C7: variants seen among roughly 807,000 people sequenced by gnomAD.
C7 encodes complement component C7.
A neutral mutation model predicts 104.8 loss-of-function variants in C7; 83 were observed. The observed-to-expected ratio is 0.79, with a 90% CI of 0.66 to 0.95. The LOEUF is 0.95. C7 is among the 40% of genes least tolerant of loss of function. C7 has a pLI of 0.00. For missense variants in C7, 1,070 were observed against 1,011.2 expected, an observed-to-expected ratio of 1.06 and a Z score of -0.79; for synonymous variants, 415 against 360.6, an observed-to-expected ratio of 1.15 and a Z score of -1.71.
At chr5:40,939,361 G>A (rs556397739) in intron 6 of C7, among the ~76,000 whole-genome samples, 2 of 152,176 alleles carry the variant, frequency 1.3e-5, no homozygotes, top group South Asian at 2.1e-4. Flanking sequence ...TCTCACAGCA[G>A]CTTTGGAAAG....
At position 40,981,520 on chromosome 5, in the gene C7, G is replaced by T; in HGVS notation, c.2479G>T (p.Gly827Trp). 2 of 1,613,746 alleles carry T rather than the reference G, an allele frequency of 1.2e-6. No individual in the cohort carries two copies. The highest frequency in any genetic ancestry group is 1.3e-5 in the African/African-American group (1 of 75,060). Residue 827 changes from glycine to tryptophan, a missense_variant, in exon 18 of 18, where the codon GGG (glycine) becomes TGG (tryptophan). Transcript: ENST00000313164. ...ECEAGALRCR[G>W]QSISVTSIRP... ...TGAGGCGGGCGCTCTGAGATGCAGA[G>T]GGCAGAGCATCTCTGTCACCAGCAT...
intron 6 of C7, 77 bp downstream of exon 6, chr5:40,937,767 T>A (rs1739848261): frequency 1.6e-6 from 2 of 1,237,872 alleles, no homozygotes; most frequent in Non-Finnish European, 2.2e-6. Flanking sequence ...TTTACGTATT[T>A]GTTGAGAATT....
chr5:40,929,742 A>T (rs1482775342), intron 2 of C7, among the ~76,000 whole-genome samples: 1 of 151,990 alleles, frequency 6.6e-6, no homozygotes, highest in Non-Finnish European at 1.5e-5. Context: ...ATGAGAGTCA[A>T]CTCTCCATTT....
chr5:40,928,230 G>A (rs1739600882), intron 1 of C7, among the ~76,000 whole-genome samples: 1 of 151,302 alleles, frequency 6.6e-6, no homozygotes, highest in African/African-American at 2.4e-5. Context: ...AAAGTAGAAT[G>A]GTGGTTACAG....
rs58480949 is a variant in C7, at chr5:40,945,875, CATATATATATAT to C, written c.738+530_738+541del. 1.0e-3 allele frequency among the ~76,000 whole-genome samples: 130 copies of C among 127,332 alleles called. 1 individual carries two copies. Among genetic ancestry groups the C allele is most frequent in the African/African-American group, 3.0e-3 (110 of 36,490 alleles). 83.5% of individuals were successfully genotyped at this position (127,332 alleles called of 152,430 possible). A position where few individuals can be genotyped will look rare whatever the true frequency, so the allele number is the denominator to read the frequency against. ...TGAGACCCTGTCTCAAAAAAAAATA[CATATATATATAT>C]ATATATATATATATATATATATGTA... is the stretch of plus-strand genomic sequence containing the variant. On this transcript the variant is annotated intron_variant, in intron 7 of 17. Coordinates refer to ENST00000313164, the MANE Select transcript of C7 (RefSeq NM_000587.4).
chr5:40,936,799 A>G (rs1739826997), intron 5 of C7, among the ~76,000 whole-genome samples: 1 of 152,022 alleles, frequency 6.6e-6, no homozygotes, highest in Admixed American at 6.6e-5. Flanking sequence ...GAAGGGAGGG[A>G]GAGAGAGAGA....
At chr5:40,934,584 C>A in intron 4 of C7, 118 bp downstream of exon 4, 1 of 970,386 alleles carries the variant, frequency 1.0e-6, no homozygotes, top group Admixed American at 2.2e-5. Flanking sequence ...AAGTTAATTC[C>A]CCCAAATATC....
chr5:40,972,700 C>A lies in C7; in HGVS notation c.2074+106C>A. ...TCACCATAGCTGTGAGTCATTCCCT[C>A]CATTCTTGCTCCTTAAGATAGGGTC... On this transcript the variant is annotated intron_variant, in intron 15 of 17. Transcript: ENST00000313164. 4.7e-6 allele frequency: 4 copies of A among 851,158 alleles called. No homozygotes were observed. The South Asian group carries it at 9.0e-5, about 19-fold the overall frequency. The allele number at this position is 851,158 out of a possible 1,614,324, so 52.7% of individuals were successfully genotyped here.
In C7 at chr5:40,945,355, T is replaced by A. The variant is rs1391624784; in HGVS notation, c.725T>A (p.Ile242Asn). The change falls in exon 7 of 18, where the codon ATC becomes AAC. Residue 242 changes from isoleucine to asparagine, a missense_variant. Physicochemically the swap from Ile to Asn is moderately radical, Grantham distance 149. Transcript: ENST00000313164. ...SRSYTSHTNE[I>N]HKGKSYQLLV... Reference sequence around the variant, plus strand: ...AGTTATACTTCACATACCAATGAAATCCATAAAGGAAAGGTTAGTATAAAA... The same window carrying A: ...AGTTATACTTCACATACCAATGAAAACCATAAAGGAAAGGTTAGTATAAAA... 1 of 1,589,574 alleles carries A rather than the reference T, an allele frequency of 6.3e-7. No individual in the cohort carries two copies. Among genetic ancestry groups the A allele is most frequent in the East Asian group, 2.3e-5 (1 of 44,318 alleles).
chr5:40,959,611 A>G lies in C7; in HGVS notation c.1652A>G (p.Glu551Gly), dbSNP rs1374480706. The change falls in exon 12 of 18, where the codon GAG becomes GGG. Residue 551 changes from glutamate (E) to glycine (G), a missense_variant. Transcript: ENST00000313164. ...ACACAATGCGAAGATGAGGAGCTGG[A>G]GCACTTGAGGTAATGGAGACCCGAC... is the stretch of plus-strand genomic sequence containing the variant. ...ESTQCEDEEL[E>G]HLRLLEPHCF... 6.3e-7 allele frequency: 1 copy of G among 1,595,118 alleles called. No individual in the cohort carries two copies. Among genetic ancestry groups the G allele is most frequent in the East Asian group, 2.2e-5 (1 of 44,666 alleles).
rs752150863 is a variant in C7, at chr5:40,984,342, G to A, written c.*2769G>A. On this transcript the variant is annotated 3_prime_UTR_variant, in exon 18 of 18. Coordinates refer to ENST00000313164, the MANE Select transcript of C7 (RefSeq NM_000587.4). ...GCAGGAAATCTGACAAGTGACCCCC[G>A]GAACTTTGGATTACCTAGCAACTAG... is the stretch of plus-strand genomic sequence containing the variant. Among the ~76,000 whole-genome samples, 2 of 152,122 alleles carry A rather than the reference G, an allele frequency of 1.3e-5. No homozygotes were observed. The highest frequency in any genetic ancestry group is 4.8e-5 in the African/African-American group (2 of 41,428).
intron 1 of C7, among the ~76,000 whole-genome samples, chr5:40,917,598 A>G (rs571407336): frequency 6.6e-6 from 1 of 152,250 alleles, no homozygotes; most frequent in East Asian, 1.9e-4. Flanking sequence ...GGGAGTGCAC[A>G]TTTCTCTTTG....
intron 1 of C7, among the ~76,000 whole-genome samples, chr5:40,910,038 T>TAAG (rs1437786112): frequency 1.3e-5 from 2 of 151,114 alleles, no homozygotes; most frequent in Non-Finnish European, 2.9e-5. Flanking sequence ...GCGATTTATC[T>TAAG]AAGAGCTAAT....
intron 17 of C7, 116 bp from the exon 18 acceptor site, chr5:40,981,276 A>T (rs1740935312): frequency 1.0e-6 from 1 of 980,658 alleles, no homozygotes. Flanking sequence ...TTATTATGTC[A>T]TTCCAGGCAG....
At chr5:40,937,410 G>A (rs1739838195) in intron 5 of C7, 142 bp from the exon 6 acceptor site, 2 of 716,226 alleles carry the variant, frequency 2.8e-6, no homozygotes, top group Admixed American at 3.2e-5. Context: ...CTCTTCATTT[G>A]AACTCTCTCA....
chr5:40,976,520 T>A, intron 15 of C7: 1 of 313,664 alleles, frequency 3.2e-6, no homozygotes, highest in East Asian at 5.3e-5. Context: ...AATATAAATG[T>A]TCACGAGATG....
At chr5:40,956,402 T>A (rs1054443672) in intron 10 of C7, among the ~76,000 whole-genome samples, 3 of 152,168 alleles carry the variant, frequency 2.0e-5, no homozygotes, top group Non-Finnish European at 4.4e-5. Context: ...CTGACATAGA[T>A]GTTGAGGGGT....
intron 12 of C7, among the ~76,000 whole-genome samples, chr5:40,961,873 A>G (rs934000726): frequency 6.6e-6 from 1 of 152,096 alleles, no homozygotes; most frequent in African/African-American, 2.4e-5. Flanking sequence ...GCAGCTATTT[A>G]AATCACTGTC....
chr5:40,953,656 A>AAAAG (rs59638487), intron 9 of C7, among the ~76,000 whole-genome samples: 1 of 151,604 alleles, frequency 6.6e-6, no homozygotes, highest in African/African-American at 2.4e-5. Flanking sequence ...AAAAAAAAAA[A>AAAAG]AGGAATAAAT....
Sources: allele counts gnomAD v4.1 joint callset (sites outside exome capture counted in the v4.1 genomes callset), GRCh38; gene constraint gnomAD v4.1.1; transcripts MANE v1.5; gene names NCBI Gene and HGNC (gene_info 2026-07-23, HGNC 2026-07-21).